Variants in PLCE1 observed in about 807,000 individuals in gnomAD.
PLCE1 encodes the protein phospholipase C epsilon 1.
Under a neutral mutation model 242.8 loss-of-function variants are expected in PLCE1, and 119 were observed. That is an observed-to-expected ratio of 0.49 (90% CI 0.42 to 0.57). The LOEUF (loss-of-function observed/expected upper bound fraction) is 0.57, where lower values mean the gene tolerates loss of function less well. Ranked by LOEUF, PLCE1 falls within the 20% of genes least tolerant of loss-of-function variation. PLCE1 has a pLI of 0.00. For synonymous variants in PLCE1, 945 were observed against 1,017.4 expected, an observed-to-expected ratio of 0.93 and a Z score of 1.35; for missense variants, 2,441 against 2,788.8, an observed-to-expected ratio of 0.88 and a Z score of 2.81.
chr10:94,177,866 G>A (rs2048173468), intron 4 of PLCE1, among the ~76,000 whole-genome samples: 1 of 152,146 alleles, frequency 6.6e-6, no homozygotes, highest in Non-Finnish European at 1.5e-5. Flanking sequence ...GAGGCAAATC[G>A]AGATTGCAGG....
intron 4 of PLCE1, among the ~76,000 whole-genome samples, chr10:94,224,875 C>T (rs2049886759): frequency 6.6e-6 from 1 of 152,218 alleles, no homozygotes; most frequent in South Asian, 2.1e-4. Context: ...CTCATAGCTG[C>T]AGGAGACGGG....
intron 3 of PLCE1, among the ~76,000 whole-genome samples, chr10:94,149,612 T>C (rs2047213361): frequency 6.6e-6 from 1 of 152,196 alleles, no homozygotes; most frequent in Non-Finnish European, 1.5e-5. Context: ...GATAAAAACC[T>C]GGGTTCTAGT....
chr10:94,045,705 C>G (rs2061867970), intron 2 of PLCE1, among the ~76,000 whole-genome samples: 2 of 152,228 alleles, frequency 1.3e-5, no homozygotes, highest in African/African-American at 4.8e-5. Context: ...GGGATGCATA[C>G]ATTCCTGAAA....
Position 94,150,635 on chromosome 10 carries a change from G to A in PLCE1, c.1492+18176G>A, listed in dbSNP as rs2047246156. 3.9e-5 allele frequency among the ~76,000 whole-genome samples: 6 copies of A among 152,274 alleles called. No individual in the cohort carries two copies. In the South Asian group the frequency reaches 1.2e-3, roughly 32 times the overall value. On this transcript the variant is annotated intron_variant, in intron 3 of 32. Transcript: ENST00000371380. ...GCTGTATCATCTCCTATCTTCCATG[G>A]TGTTTTGCAGTCCTTCTAGCTGGGA...
intron 4 of PLCE1, among the ~76,000 whole-genome samples, chr10:94,210,221 C>T (rs573823283): frequency 6.6e-5 from 10 of 151,262 alleles, no homozygotes; most frequent in African/African-American, 1.2e-4. Context: ...TCATCTATGC[C>T]GTAAGCACTT....
intron 1 of PLCE1, among the ~76,000 whole-genome samples, chr10:94,007,346 A>C (rs1439326198): frequency 1.1e-4 from 17 of 152,280 alleles, no homozygotes; most frequent in East Asian, 1.9e-4. Flanking sequence ...GGGATGGCCA[A>C]GGAGTGGCTG....
intron 3 of PLCE1, among the ~76,000 whole-genome samples, chr10:94,159,454 C>T (rs908258240): frequency 7.9e-6 from 1 of 126,234 alleles, no homozygotes; most frequent in African/African-American, 4.1e-5. Flanking sequence ...CAATATTCTT[C>T]TCTCTCTCTC....
chr10:94,309,742 G>GT, intron 27 of PLCE1, among the ~76,000 whole-genome samples: 1 of 152,204 alleles, frequency 6.6e-6, no homozygotes, highest in East Asian at 1.9e-4. Context: ...GTTTAATTAG[G>GT]TAAGAATCTG....
chr10:94,311,196 T>C (rs1284333813), intron 27 of PLCE1, among the ~76,000 whole-genome samples: 1 of 152,132 alleles, frequency 6.6e-6, no homozygotes, highest in Non-Finnish European at 1.5e-5. Flanking sequence ...TTTAGGGTTT[T>C]TATGGAGGTT....
intron 30 of PLCE1, 112 bp downstream of exon 30, chr10:94,322,171 C>T: frequency 1.0e-6 from 1 of 993,856 alleles, no homozygotes; most frequent in Non-Finnish European, 1.6e-6. Context: ...ACAACAGGGA[C>T]CTCAAAGGGG....
chr10:94,134,346 A>G (rs2046701783), intron 3 of PLCE1, among the ~76,000 whole-genome samples: 1 of 152,066 alleles, frequency 6.6e-6, no homozygotes, highest in South Asian at 2.1e-4. Flanking sequence ...TGATCCGCCC[A>G]TCTTGGCCTC....
chr10:94,034,877 T>C (rs914871780), intron 2 of PLCE1, among the ~76,000 whole-genome samples: 14 of 152,310 alleles, frequency 9.2e-5, no homozygotes, highest in Admixed American at 5.9e-4. Context: ...AATATTTGCC[T>C]TTCCCTAAAA....
rs1200063706 is a variant in PLCE1, at chr10:94,306,760, TTC to T, written c.5884+78_5884+79del. ...TGGATGCCAGAATTTCCTTATACTC[TTC>T]TCTCTTTTCTGTTTGACATTTTCCT... On this transcript the variant is annotated intron_variant, in intron 26 of 32. Transcript: ENST00000371380. The surrounding 1 kb of genome is among the most constrained non-coding windows in gnomAD (Gnocchi z 5.7). 13 of 1,131,588 alleles carry T rather than the reference TTC, an allele frequency of 1.1e-5. No individual in the cohort carries two copies. Among genetic ancestry groups the T allele is most frequent in the Non-Finnish European group, 1.6e-5 (12 of 770,456 alleles). The allele number at this position is 1,131,588 out of a possible 1,614,324, so 70.1% of individuals were successfully genotyped here. A position where few individuals can be genotyped will look rare whatever the true frequency, so the allele number is the denominator to read the frequency against.
intron 3 of PLCE1, among the ~76,000 whole-genome samples, chr10:94,144,536 A>G (rs2047059811): frequency 6.6e-6 from 1 of 152,204 alleles, no homozygotes. Context: ...TTACATGTTC[A>G]TAACACAGTC....
intron 3 of PLCE1, among the ~76,000 whole-genome samples, chr10:94,160,329 T>A (rs995401873): frequency 6.6e-5 from 10 of 152,338 alleles, no homozygotes; most frequent in African/African-American, 2.4e-4. Context: ...TATGAGATGG[T>A]ATCTCATTGT....
At position 94,262,566 on chromosome 10, in the gene PLCE1, G is replaced by C; in HGVS notation, c.3887G>C (p.Arg1296Thr). 6.2e-7 allele frequency: 1 copy of C among 1,614,102 alleles called. No homozygotes were observed. Among genetic ancestry groups the C allele is most frequent in the Non-Finnish European group, 8.5e-7 (1 of 1,179,962 alleles). Reference sequence around the variant, plus strand: ...AAACAGCAGCTATCGGACAACCAGAGGCAGATATCTGATGCCATTGCTGCT... The same window carrying C: ...AAACAGCAGCTATCGGACAACCAGACGCAGATATCTGATGCCATTGCTGCT... ...KSKQQLSDNQ[R>T]QISDAIAAAS... is the part of the protein sequence containing the mutation. The change falls in exon 14 of 33, where the codon AGG becomes ACG. Residue 1296 changes from arginine (R) to threonine (T), a missense_variant. Around this residue, in one of 5 missense-constraint regions of PLCE1, gnomAD observed 1,004 missense variants for 1,322.7 expected, o/e 0.76. Coordinates refer to ENST00000371380, the MANE Select transcript of PLCE1 (RefSeq NM_016341.4).
At chr10:93,999,708 C>T (rs1004579442) in intron 1 of PLCE1, among the ~76,000 whole-genome samples, 3 of 152,048 alleles carry the variant, frequency 2.0e-5, no homozygotes, top group South Asian at 4.2e-4. Flanking sequence ...GCAGCCGCCT[C>T]GCTCACCACA....
At chr10:94,011,257 G>A (rs1427366716) in intron 1 of PLCE1, among the ~76,000 whole-genome samples, 1 of 152,162 alleles carries the variant, frequency 6.6e-6, no homozygotes, top group Non-Finnish European at 1.5e-5. Context: ...ACAGAGAGAA[G>A]GGGGAGGTTC....
At position 94,049,533 on chromosome 10, in the gene PLCE1, A is replaced by C. The variant is rs960857197; in HGVS notation, c.1206+17281A>C. On this transcript the variant is annotated intron_variant, in intron 2 of 32. Coordinates refer to ENST00000371380, the MANE Select transcript of PLCE1 (RefSeq NM_016341.4). ...AGTAACATTAGGAAGTCCTAACAAC[A>C]TTTTTTAAGAAGTGTCTTTACTATT... is the stretch of plus-strand genomic sequence containing the variant. Among the ~76,000 whole-genome samples, 7 of 152,184 alleles carry C rather than the reference A, an allele frequency of 4.6e-5. No homozygotes were observed. In the South Asian group the frequency reaches 1.5e-3, roughly 32 times the overall value.
Sources: allele counts gnomAD v4.1 joint callset (sites outside exome capture counted in the v4.1 genomes callset), GRCh38; gene constraint gnomAD v4.1.1; regional missense constraint gnomAD v4.1.1; non-coding constraint Gnocchi (gnomAD v3.1); transcripts MANE v1.5; gene names NCBI Gene and HGNC (gene_info 2026-07-23, HGNC 2026-07-21).